Variants in GRID2 observed in about 807,000 individuals in gnomAD.
The protein encoded by GRID2 is glutamate ionotropic receptor delta type subunit 2.
GRID2 carries 33 observed loss-of-function variants against 114.8 expected under a neutral mutation model. The observed-to-expected ratio is 0.29, with a 90% CI of 0.22 to 0.38. The LOEUF is 0.38. Ranked by LOEUF, GRID2 falls within the 10% of genes least tolerant of loss-of-function variation. The pLI is 1.00. For synonymous variants in GRID2, 505 were observed against 449.9 expected (o/e 1.12, Z -1.55); for missense variants, 1,184 against 1,257.7 (o/e 0.94, Z 0.89).
At chr4:93,018,730 T>G (rs140698917) in intron 2 of GRID2, among the ~76,000 whole-genome samples, 11 of 152,294 alleles carry the variant, frequency 7.2e-5, no homozygotes, top group African/African-American at 1.4e-4. Flanking sequence ...CCCAAATCCT[T>G]TCTTTGTTGG....
chr4:92,608,766 A>G (rs1478544951), intron 2 of GRID2, among the ~76,000 whole-genome samples: 3 of 151,840 alleles, frequency 2.0e-5, no homozygotes, highest in East Asian at 1.9e-4. Context: ...ATGTTTTAAC[A>G]TAAGTATTTT....
chr4:93,699,401 T>G (rs1157718195), intron 14 of GRID2, among the ~76,000 whole-genome samples: 1 of 152,084 alleles, frequency 6.6e-6, no homozygotes, highest in Admixed American at 6.6e-5. Context: ...GAAGTACAGG[T>G]GAGGACGTAT....
At chr4:93,672,583 C>T (rs1427436307) in intron 14 of GRID2, among the ~76,000 whole-genome samples, 1 of 152,334 alleles carries the variant, frequency 6.6e-6, no homozygotes, top group Non-Finnish European at 1.5e-5. Context: ...CATCATTGAT[C>T]ATTCTGTGCA....
chr4:93,512,124 A>G (rs180738473), intron 12 of GRID2, among the ~76,000 whole-genome samples: 17 of 152,184 alleles, frequency 1.1e-4, no homozygotes, highest in Non-Finnish European at 1.5e-4. Flanking sequence ...GAAAATGTCT[A>G]TTGTTAAAAA....
intron 13 of GRID2, among the ~76,000 whole-genome samples, chr4:93,608,344 G>T (rs1740537579): frequency 7.7e-6 from 1 of 129,174 alleles, no homozygotes; most frequent in Admixed American, 8.1e-5. Flanking sequence ...AAGTTTTAGG[G>T]TACATGTGCA....
intron 8 of GRID2, among the ~76,000 whole-genome samples, chr4:93,292,976 C>G (rs981202816): frequency 6.6e-6 from 1 of 152,226 alleles, no homozygotes; most frequent in South Asian, 2.1e-4. Flanking sequence ...TCTGCATAGC[C>G]CTTTAGCTGT....
At chr4:92,688,254 T>C (rs1430527473) in intron 2 of GRID2, among the ~76,000 whole-genome samples, 1 of 151,500 alleles carries the variant, frequency 6.6e-6, no homozygotes, top group African/African-American at 2.4e-5. Context: ...TTCACTATTT[T>C]GGCCAGGCTG....
intron 2 of GRID2, among the ~76,000 whole-genome samples, chr4:92,634,376 T>C (rs1730961308): frequency 6.6e-6 from 1 of 152,124 alleles, no homozygotes; most frequent in African/African-American, 2.4e-5. Flanking sequence ...CTCTTAAAAC[T>C]TCCACAGCTA....
intron 2 of GRID2, among the ~76,000 whole-genome samples, chr4:92,810,421 C>T (rs953290737): frequency 6.6e-6 from 1 of 152,002 alleles, no homozygotes; most frequent in Admixed American, 6.6e-5. Context: ...CTAGACTCCA[C>T]CATTACACAG....
intron 2 of GRID2, among the ~76,000 whole-genome samples, chr4:92,871,824 G>A (rs1578356417): frequency 6.6e-6 from 1 of 152,282 alleles, no homozygotes; most frequent in East Asian, 1.9e-4. Flanking sequence ...ATTGTCTAAT[G>A]TTTTCTATGG....
chr4:93,200,597 A>G (rs1560978187), intron 4 of GRID2, among the ~76,000 whole-genome samples: 1 of 152,110 alleles, frequency 6.6e-6, no homozygotes, highest in African/African-American at 2.4e-5. Flanking sequence ...AAACAAAAAA[A>G]CATTACATAT....
intron 1 of GRID2, among the ~76,000 whole-genome samples, chr4:93,805,604 G>A (rs1322620293): frequency 6.6e-6 from 1 of 152,122 alleles, no homozygotes; most frequent in East Asian, 1.9e-4. Flanking sequence ...ATGAAACCTA[G>A]GTACAAGCTC....
chr4:92,481,997 T>G (rs1284654521), intron 1 of GRID2, among the ~76,000 whole-genome samples: 16 of 72,556 alleles, frequency 2.2e-4, no homozygotes, highest in African/African-American at 8.7e-4. Flanking sequence ...TATATATATA[T>G]ATATATATAT....
intron 12 of GRID2, among the ~76,000 whole-genome samples, chr4:93,492,657 A>G (rs1727132691): frequency 6.6e-6 from 1 of 151,904 alleles, no homozygotes; most frequent in Admixed American, 6.6e-5. Flanking sequence ...AATTATGTCT[A>G]TAATTGGTAT....
At chr4:92,508,671 A>G (rs1189762703) in intron 1 of GRID2, among the ~76,000 whole-genome samples, 1 of 151,968 alleles carries the variant, frequency 6.6e-6, no homozygotes, top group Non-Finnish European at 1.5e-5. Context: ...GAAAAGTTCT[A>G]GAAGATGGTG....
chr4:92,956,088 G>C (rs186462354), intron 2 of GRID2, among the ~76,000 whole-genome samples: 72 of 152,266 alleles, frequency 4.7e-4, no homozygotes, highest in African/African-American at 1.7e-3. Context: ...TTTTGGAACA[G>C]TTGTAGGTTC....
chr4:92,539,008 C>T (rs952841645), intron 1 of GRID2, among the ~76,000 whole-genome samples: 3 of 149,326 alleles, frequency 2.0e-5, no homozygotes, highest in South Asian at 2.1e-4. Context: ...CTCCACTGCA[C>T]TCCAGCCTGG....
intron 2 of GRID2, among the ~76,000 whole-genome samples, chr4:92,600,042 GTGTATATATATATATA>G (rs1414041730): frequency 1.3e-4 from 9 of 70,382 alleles, no homozygotes; most frequent in African/African-American, 4.1e-4. Flanking sequence ...GTGTGTGTGT[GTGTATATATATATATA>G]TATATATATA....
intron 1 of GRID2, among the ~76,000 whole-genome samples, chr4:92,538,014 G>T (rs1725738856): frequency 6.6e-6 from 1 of 152,034 alleles, no homozygotes; most frequent in African/African-American, 2.4e-5. Context: ...TCTTTTCTCA[G>T]AAGTAGTCAT....
Sources: gnomAD v4.1 joint callset for allele counts (sites outside exome capture counted in the v4.1 genomes callset) on GRCh38, gnomAD v4.1.1 for gene constraint, MANE v1.5 for transcripts, NCBI Gene and HGNC (gene_info 2026-07-23, HGNC 2026-07-21) for gene names.